NEK11: variants seen among roughly 807,000 people sequenced by gnomAD.
The protein encoded by NEK11 is serine/threonine-protein kinase Nek11.
NEK11 carries 72 observed loss-of-function variants against 80.7 expected under a neutral mutation model. The observed-to-expected ratio is 0.89, with a 90% confidence interval of 0.74 to 1.08. The LOEUF (loss-of-function observed/expected upper bound fraction) is 1.08. NEK11 is among the 50% of genes least tolerant of loss of function. NEK11 has a pLI of 0.00. For synonymous variants in NEK11, 251 were observed against 260.7 expected, an observed-to-expected ratio of 0.96 and a Z score of 0.36; for missense variants, 764 against 763.6, an observed-to-expected ratio of 1.00 and a Z score of -0.01.
chr3:131,255,040 GAGAGAGAGAGAGAC>G, intron 16 of NEK11, among the ~76,000 whole-genome samples: 1 of 118,506 alleles, frequency 8.4e-6, no homozygotes. Context: ...GAAAGAGAGA[GAGAGAGAGAGAGAC>G]AGACAGACAG....
At chr3:131,072,907 C>A (rs1309275554) in intron 3 of NEK11, among the ~76,000 whole-genome samples, 1 of 152,160 alleles carries the variant, frequency 6.6e-6, no homozygotes, top group Non-Finnish European at 1.5e-5. Context: ...TGAACAAATG[C>A]AGACTTTTGT....
At chr3:131,251,056 T>A (rs140834540) in intron 16 of NEK11, among the ~76,000 whole-genome samples, 97 of 152,022 alleles carry the variant, frequency 6.4e-4, no homozygotes, top group African/African-American at 2.1e-3. Flanking sequence ...CATCTGTGTG[T>A]GTGTGTATAA....
intron 7 of NEK11, among the ~76,000 whole-genome samples, chr3:131,134,590 C>T (rs1213216536): frequency 6.6e-6 from 1 of 151,836 alleles, no homozygotes; most frequent in African/African-American, 2.4e-5. Context: ...TTAGTAGGGA[C>T]GGGTTTCACT....
At chr3:131,216,282 T>G (rs1322933063) in intron 14 of NEK11, among the ~76,000 whole-genome samples, 1 of 152,106 alleles carries the variant, frequency 6.6e-6, no homozygotes, top group African/African-American at 2.4e-5. Context: ...TACATAACCT[T>G]TAAATGAGAT....
At chr3:131,310,468 G>A (rs1265383206) in intron 17 of NEK11, among the ~76,000 whole-genome samples, 2 of 152,150 alleles carry the variant, frequency 1.3e-5, no homozygotes, top group Non-Finnish European at 2.9e-5. Context: ...GATTAGATGC[G>A]AGATATTTTG....
intron 5 of NEK11, among the ~76,000 whole-genome samples, chr3:131,125,116 A>G (rs529005233): frequency 6.6e-6 from 1 of 152,352 alleles, no homozygotes; most frequent in African/African-American, 2.4e-5. Context: ...TAAAGAGGCT[A>G]AAGATTATTT....
intron 14 of NEK11, among the ~76,000 whole-genome samples, chr3:131,196,045 T>G (rs943451706): frequency 2.0e-5 from 3 of 151,560 alleles, no homozygotes; most frequent in African/African-American, 7.2e-5. Context: ...TTATTATTAT[T>G]TATGATAAAT....
At chr3:131,028,665 T>C (rs547728492) in intron 2 of NEK11, among the ~76,000 whole-genome samples, 3 of 152,158 alleles carry the variant, frequency 2.0e-5, no homozygotes, top group African/African-American at 7.2e-5. Flanking sequence ...GGGTTCACGC[T>C]ATTCTCCTGC....
chr3:131,047,430 AG>A (rs1435694514), intron 3 of NEK11, among the ~76,000 whole-genome samples: 1 of 152,162 alleles, frequency 6.6e-6, no homozygotes, highest in Non-Finnish European at 1.5e-5. Context: ...CTGGGGCTCA[AG>A]GACTGCTGTT....
intron 4 of NEK11, among the ~76,000 whole-genome samples, chr3:131,101,882 G>A (rs1029289590): frequency 1.3e-5 from 2 of 152,154 alleles, no homozygotes; most frequent in Non-Finnish European, 2.9e-5. Context: ...AGAAGAACTT[G>A]TTTTATGAAT....
chr3:131,181,507 G>A (rs1179549385), intron 14 of NEK11, among the ~76,000 whole-genome samples: 3 of 152,142 alleles, frequency 2.0e-5, no homozygotes, highest in Non-Finnish European at 2.9e-5. Flanking sequence ...AGCACTTTGG[G>A]AGGCCAAGGC....
intron 5 of NEK11, among the ~76,000 whole-genome samples, chr3:131,118,809 G>T (rs140711624): frequency 1.3e-5 from 2 of 151,896 alleles, no homozygotes; most frequent in African/African-American, 2.4e-5. Flanking sequence ...CTGTGGGATC[G>T]GTGGTGATAT....
At chr3:131,227,130 C>T (rs1010165681) in intron 14 of NEK11, among the ~76,000 whole-genome samples, 6 of 151,576 alleles carry the variant, frequency 4.0e-5, no homozygotes, top group Admixed American at 1.3e-4. Flanking sequence ...AAGGAACTGG[C>T]AAAGGCAATT....
At chr3:131,337,369 A>G (rs1173817229) in intron 17 of NEK11, among the ~76,000 whole-genome samples, 2 of 152,002 alleles carry the variant, frequency 1.3e-5, no homozygotes, top group Non-Finnish European at 2.9e-5. Flanking sequence ...GCAACGACAA[A>G]ACACCAAACA....
rs551820456 is a variant in NEK11, at chr3:131,207,531, C to T, written c.1400-20997C>T. On this transcript the variant is annotated intron_variant, in intron 14 of 17. Coordinates refer to ENST00000383366, the MANE Select transcript of NEK11 (RefSeq NM_024800.5). ...CCAGGAGGCTGAGCTTGCAGTGAGC[C>T]GAGCCTGGGTGCACTCCAGCCTGGG... Among the ~76,000 whole-genome samples, 187 of 152,064 alleles carry T rather than the reference C, an allele frequency of 1.2e-3. 1 individual carries two copies. Among genetic ancestry groups the T allele is most frequent in the Non-Finnish European group, 2.2e-3 (149 of 67,970 alleles).
intron 16 of NEK11, among the ~76,000 whole-genome samples, chr3:131,255,079 GGAAAGAAAGAAAGAAAGAAAGAAA>G (rs59699596): frequency 3.4e-5 from 4 of 119,278 alleles, no homozygotes; most frequent in South Asian, 2.9e-4. Flanking sequence ...ACAGAAAGAA[GGAAAGAAAGAAAGAAAGAAAGAAA>G]GAAAGAAAGA....
At chr3:131,203,343 A>G (rs2094314782) in intron 14 of NEK11, among the ~76,000 whole-genome samples, 1 of 147,708 alleles carries the variant, frequency 6.8e-6, no homozygotes, top group South Asian at 2.2e-4. Flanking sequence ...AAAACCAAAC[A>G]CCGCATGTTC....
intron 17 of NEK11, among the ~76,000 whole-genome samples, chr3:131,290,971 T>C (rs1218308086): frequency 6.6e-6 from 1 of 152,214 alleles, no homozygotes. Context: ...CAGTTAACTT[T>C]AAGGCTCACT....
At chr3:131,315,286 A>T (rs2096825150) in intron 17 of NEK11, among the ~76,000 whole-genome samples, 1 of 152,092 alleles carries the variant, frequency 6.6e-6, no homozygotes, top group African/African-American at 2.4e-5. Flanking sequence ...TCCCCCCAAC[A>T]GCCACCATTC....
Sources: gnomAD v4.1 joint callset for allele counts (sites outside exome capture counted in the v4.1 genomes callset) on GRCh38, gnomAD v4.1.1 for gene constraint, MANE v1.5 for transcripts, NCBI Gene and HGNC (gene_info 2026-07-23, HGNC 2026-07-21) for gene names.